PMS1: variants seen among roughly 807,000 people sequenced by gnomAD.
PMS1 encodes PMS1 protein homolog 1.
In PMS1, 79 loss-of-function variants were observed where a neutral mutation model predicts 93.1. The observed-to-expected ratio is 0.85, with a 90% CI of 0.71 to 1.02. PMS1 has a LOEUF of 1.02. Ranked by LOEUF, PMS1 falls within the 50% of genes least tolerant of loss-of-function variation. The pLI is 0.00. For synonymous variants in PMS1, 335 were observed against 363.4 expected, an observed-to-expected ratio of 0.92 and a Z score of 0.89; for missense variants, 1,064 against 1,085.3, an observed-to-expected ratio of 0.98 and a Z score of 0.28.
chr2:189,867,981 CA>C (rs748172021), intron 11 of PMS1, 52 bp downstream of exon 11: 1 of 1,440,250 alleles, frequency 6.9e-7, no homozygotes, highest in Non-Finnish European at 9.8e-7. Flanking sequence ...AGTCTTGTTC[CA>C]AGAGTTACAT....
At chr2:189,864,678 AAAAAAAAAAATATATATATATAT>A (rs2056430930) in intron 10 of PMS1, among the ~76,000 whole-genome samples, 1 of 47,512 alleles carries the variant, frequency 2.1e-5, no homozygotes, top group Non-Finnish European at 3.8e-5. Context: ...AAAAAAAAAA[AAAAAAAAAAATATATATATATAT>A]ATATATATAT....
Position 189,854,346 on chromosome 2 carries a change from C to T in PMS1, c.1074C>T (p.Ile358=), listed in dbSNP as rs745613341. The T allele has an allele frequency of 1.1e-5, 18 of 1,599,872 alleles. No homozygotes were observed. Among genetic ancestry groups the T allele is most frequent in the South Asian group, 2.3e-5 (2 of 88,720 alleles). Residue 358 remains isoleucine, a synonymous_variant, in exon 9 of 13, where the codon ATC becomes ATT. Transcript: ENST00000441310. The part of the protein sequence containing the change: ...NNKTDVSAAD[I]VLSKTAETDV... Reference sequence around the variant, plus strand: ...AAACAGATGTTTCCGCAGCTGACATCGTTCTTAGTAAAACAGCAGAAACAG... The same window carrying T: ...AAACAGATGTTTCCGCAGCTGACATTGTTCTTAGTAAAACAGCAGAAACAG...
intron 9 of PMS1, chr2:189,857,646 G>A (rs1447615467): frequency 1.7e-5 from 6 of 345,826 alleles, no homozygotes; most frequent in Non-Finnish European, 3.5e-5. Context: ...CTTTCAACTA[G>A]GAAATATTAA....
intron 12 of PMS1, 58 bp from the exon 13 acceptor site, chr2:189,877,214 A>C: frequency 7.3e-7 from 1 of 1,375,322 alleles, no homozygotes; most frequent in South Asian, 1.2e-5. Context: ...TGCCAGGATA[A>C]CATGTTTTCA....
rs1457397197 is a variant in PMS1 at position 189,843,951 on chromosome 2, T to C, written c.583-13T>C. 1.9e-6 allele frequency: 3 copies of C among 1,604,588 alleles called. No homozygotes were observed. The highest frequency in any genetic ancestry group is 4.5e-5 in the East Asian group (2 of 44,780). ...ATTGTATTAAAAGTTATCTATATCA[T>C]TTTTGTCCCTAGGCAGTTATTTGGC... On this transcript the variant is annotated splice_polypyrimidine_tract_variant and intron_variant, in intron 5 of 12. Transcript: ENST00000441310.
intron 6 of PMS1, among the ~76,000 whole-genome samples, chr2:189,850,510 A>T (rs1371884881): frequency 6.6e-6 from 1 of 152,178 alleles, no homozygotes; most frequent in East Asian, 1.9e-4. Context: ...GGAGTGAAAT[A>T]AATAGCAGCT....
chr2:189,821,748 G>T (rs897219222), intron 5 of PMS1, among the ~76,000 whole-genome samples: 1 of 152,070 alleles, frequency 6.6e-6, no homozygotes, highest in African/African-American at 2.4e-5. Context: ...GGCAGAGGTT[G>T]CAGTGAGCCG....
At chr2:189,825,290 C>A (rs2052333476) in intron 5 of PMS1, among the ~76,000 whole-genome samples, 1 of 152,076 alleles carries the variant, frequency 6.6e-6, no homozygotes, top group African/African-American at 2.4e-5. Context: ...CAAGTGGATT[C>A]AGTGAGTTTA....
intron 4 of PMS1, among the ~76,000 whole-genome samples, chr2:189,814,833 G>C (rs965671837): frequency 8.5e-5 from 13 of 152,104 alleles, no homozygotes; most frequent in African/African-American, 9.7e-5. Context: ...CGCTGTGGCT[G>C]ACGCCTGTAA....
chr2:189,858,634 A>G (rs2055619496), intron 9 of PMS1, among the ~76,000 whole-genome samples: 1 of 152,122 alleles, frequency 6.6e-6, no homozygotes, highest in African/African-American at 2.4e-5. Flanking sequence ...TCATTTTACC[A>G]CTGCACAGGA....
At chr2:189,871,296 A>G in intron 11 of PMS1, among the ~76,000 whole-genome samples, 1 of 152,058 alleles carries the variant, frequency 6.6e-6, no homozygotes, top group East Asian at 1.9e-4. Context: ...ACTAACACTA[A>G]TAATAGCTCA....
chr2:189,845,327 G>A (rs2054166026), intron 6 of PMS1, among the ~76,000 whole-genome samples: 2 of 151,980 alleles, frequency 1.3e-5, no homozygotes, highest in Admixed American at 1.3e-4. Context: ...CTTATGCCAT[G>A]CAAATGAGAA....
chr2:189,854,950 G>C lies in PMS1; in HGVS notation c.1678G>C (p.Val560Leu), dbSNP rs1397726140. 6.2e-7 allele frequency: 1 copy of C among 1,611,794 alleles called. No homozygotes were observed. ...SNVIDNKSGK[V>L]TAYDLLSNRV... ...TGTAATAGATAATAAATCTGGAAAA[G>C]TTACAGCTTATGATTTACTTAGCAA... The change falls in exon 9 of 13, where the codon GTT becomes CTT. Residue 560 changes from valine (V) to leucine (L), a missense_variant. Transcript: ENST00000441310.
At chr2:189,808,982 T>C (rs1192031445) in intron 4 of PMS1, among the ~76,000 whole-genome samples, 3 of 152,176 alleles carry the variant, frequency 2.0e-5, no homozygotes, top group African/African-American at 7.2e-5. Context: ...GTCAGATTCT[T>C]TTAAGATCTT....
Position 189,814,101 on chromosome 2 carries a change from T to C in PMS1, c.419-3916T>C, listed in dbSNP as rs1233269. ...CATGCATTTCTTGATCTCCATCAGCTTTTGCTCCAAAATTTGGCAGTGACC... is the reference window on the plus strand; with the variant it reads ...CATGCATTTCTTGATCTCCATCAGCCTTTGCTCCAAAATTTGGCAGTGACC... On this transcript the variant is annotated intron_variant, in intron 4 of 12. Coordinates refer to ENST00000441310, the MANE Select transcript of PMS1 (RefSeq NM_000534.5). Among the ~76,000 whole-genome samples, 1,198 of 152,274 alleles carry C rather than the reference T, an allele frequency of 7.9e-3. 14 individuals carry two copies. The highest frequency in any genetic ancestry group is 0.028 in the African/African-American group (1,164 of 41,530).
intron 5 of PMS1, 109 bp downstream of exon 5, chr2:189,818,289 A>G (rs930965660): frequency 3.2e-5 from 24 of 746,772 alleles, no homozygotes; most frequent in Non-Finnish European, 4.9e-5. Flanking sequence ...GTGTGCCCTC[A>G]CAAAATTTAT....
At chr2:189,821,468 A>AAG (rs537008356) in intron 5 of PMS1, among the ~76,000 whole-genome samples, 17,126 of 147,356 alleles carry the variant, frequency 0.12, 1,178 homozygotes, top group Middle Eastern at 0.18. Context: ...AAAAAAAAAA[A>AAG]AAAGAAAGAA....
chr2:189,849,922 T>C (rs1402156272), intron 6 of PMS1, among the ~76,000 whole-genome samples: 2 of 147,914 alleles, frequency 1.4e-5, no homozygotes, highest in Non-Finnish European at 3.0e-5. Context: ...CTTTTTTAAA[T>C]GGAAAGACAG....
chr2:189,824,356 A>T (rs5743049), intron 5 of PMS1, among the ~76,000 whole-genome samples: 1 of 152,156 alleles, frequency 6.6e-6, no homozygotes, highest in South Asian at 2.1e-4. Context: ...TGTGATTATA[A>T]TGGCACTATT....
Sources: allele counts gnomAD v4.1 joint callset (sites outside exome capture counted in the v4.1 genomes callset), GRCh38; gene constraint gnomAD v4.1.1; transcripts MANE v1.5; gene names NCBI Gene and HGNC (gene_info 2026-07-23, HGNC 2026-07-21).